DECR2: variants seen among roughly 807,000 people sequenced by gnomAD.
The protein encoded by DECR2 is peroxisomal 2,4-dienoyl-CoA reductase [(3E)-enoyl-CoA-producing].
Under a neutral mutation model 29.2 loss-of-function variants are expected in DECR2, and 34 were observed. That is an observed-to-expected ratio of 1.16 (90% CI 0.89 to 1.55). The LOEUF is 1.55. DECR2 is among the 40% of genes most tolerant of loss of function. DECR2 has a pLI of 0.00. For synonymous variants in DECR2, 224 were observed against 182.7 expected, an observed-to-expected ratio of 1.23 and a Z score of -1.82; for missense variants, 485 against 425.3, an observed-to-expected ratio of 1.14 and a Z score of -1.23.
At chr16:408,181 GCCTCTGTCTCCGGC>G (rs2054762659) in intron 4 of DECR2, among the ~76,000 whole-genome samples, 1 of 117,360 alleles carries the variant, frequency 8.5e-6, no homozygotes, top group African/African-American at 3.4e-5. Context: ...CTGTCTCCGG[GCCTCTGTCTCCGGC>G]CCCCTGTCTC....
At position 411,545 on chromosome 16, in the gene DECR2, G is replaced by A. The variant is rs771867426; in HGVS notation, c.846G>A (p.Leu282=). 1 of 1,613,774 alleles carries A rather than the reference G, an allele frequency of 6.2e-7. No homozygotes were observed. The highest frequency in any genetic ancestry group is 1.3e-5 in the African/African-American group (1 of 75,076). The part of the protein sequence containing the change: ...WLTFPNGVKG[L]PDFASFSAKL Reference sequence around the variant, plus strand: ...CGTTCCCAAACGGTGTCAAAGGGCTGCCGGATTTCGCATCCTTCTCTGCTA... The same window carrying A: ...CGTTCCCAAACGGTGTCAAAGGGCTACCGGATTTCGCATCCTTCTCTGCTA... The change falls in exon 8 of 9, where the codon CTG becomes CTA. Residue 282 remains leucine (L), a synonymous_variant. Transcript: ENST00000219481.
rs2054828147 is a variant in DECR2, at chr16:412,472, A to G, written c.*583A>G. ...AGGAAAAGAAAGAGGATTAAAGAGA[A>G]TTGCTGGTGATCCTATCGTTTAGGG... On this transcript the variant is annotated 3_prime_UTR_variant, in exon 9 of 9. Coordinates refer to ENST00000219481, the MANE Select transcript of DECR2 (RefSeq NM_020664.4). 1.3e-5 allele frequency: 2 copies of G among 152,122 alleles called. No individual in the cohort carries two copies. The highest frequency in any genetic ancestry group is 4.1e-4 in the South Asian group (2 of 4,822). The allele number at this position is 152,122 out of a possible 1,614,324, so 9.4% of individuals were successfully genotyped here.
chr16:409,440 G>T (rs2054783453), intron 4 of DECR2, among the ~76,000 whole-genome samples: 1 of 151,770 alleles, frequency 6.6e-6, no homozygotes, highest in Non-Finnish European at 1.5e-5. Flanking sequence ...AAAGTGCTGG[G>T]ATTACAGGCG....
chr16:410,937 A>T lies in DECR2; in HGVS notation c.557-35A>T, dbSNP rs770027504. The T allele has an allele frequency of 6.4e-7, 1 of 1,563,596 alleles. No homozygotes were observed. Among genetic ancestry groups the T allele is most frequent in the Non-Finnish European group, 8.7e-7 (1 of 1,153,776 alleles). On this transcript the variant is annotated intron_variant, in intron 6 of 8. Coordinates refer to ENST00000219481, the MANE Select transcript of DECR2 (RefSeq NM_020664.4). This position sits in a 1 kb window ranked among gnomAD's most constrained non-coding sequence, Gnocchi z 4.1. ...GGCCCTGCGCCCTCGCAGAGGGCAGAGCGGCCCTTTCATATCCAACTTTCT... is the reference window on the plus strand; with the variant it reads ...GGCCCTGCGCCCTCGCAGAGGGCAGTGCGGCCCTTTCATATCCAACTTTCT...
In DECR2 at chr16:401,893, A is replaced by C; in HGVS notation, c.-71A>C. 1.5e-6 allele frequency: 2 copies of C among 1,349,538 alleles called. No homozygotes were observed. Among genetic ancestry groups the C allele is most frequent in the South Asian group, 3.1e-5 (2 of 65,246 alleles). The allele number at this position is 1,349,538 out of a possible 1,614,324, so 83.6% of individuals were successfully genotyped here. On this transcript the variant is annotated 5_prime_UTR_variant, in exon 1 of 9. Transcript: ENST00000219481. ...GGCTCCCGGTTCCAGGCGAGTTCGC[A>C]GCTGCGCGCCGGGTCCTGGAGGCCG...
chr16:406,441 G>GGGGGCTGGGGCT (rs1461989720), intron 3 of DECR2, 44 bp downstream of exon 3: 3 of 1,597,174 alleles, frequency 1.9e-6, no homozygotes, highest in Non-Finnish European at 2.6e-6. Flanking sequence ...GTGGCTGTGG[G>GGGGGCTGGGGCT]GGGGCTGGGG....
chr16:409,883 T>TCG, intron 4 of DECR2: 1 of 243,084 alleles, frequency 4.1e-6, no homozygotes, highest in African/African-American at 2.2e-5. Context: ...GGCGTGTGTC[T>TCG]GTGTGTCCTC....
At chr16:406,291 G>GC (rs11391098) in intron 2 of DECR2, 55 bp from the exon 3 acceptor site, 1,557,699 of 1,565,674 alleles carry the variant, frequency 0.99, 774,918 homozygotes, top group Non-Finnish European at 1. Context: ...CTGGGCAGAT[G>GC]CCCCGGGAGT....
At position 410,793 on chromosome 16, in the gene DECR2, A is replaced by ACCCCCCC. The variant is rs35431910; in HGVS notation, c.556+12_556+18dup. On this transcript the variant is annotated intron_variant, in intron 6 of 8. Coordinates refer to ENST00000219481, the MANE Select transcript of DECR2 (RefSeq NM_020664.4). The surrounding 1 kb of genome is among the most constrained non-coding windows in gnomAD (Gnocchi z 4.1). The stretch of plus-strand genomic sequence containing the variant: ...CGCCAAGGCCGCTGTGGGTATGACC[A>ACCCCCCC]CCCCCCCCCGCCCAGGTTTGCCCAC... 2 of 1,464,786 alleles carry ACCCCCCC rather than the reference A, an allele frequency of 1.4e-6. No individual in the cohort carries two copies. Among genetic ancestry groups the ACCCCCCC allele is most frequent in the Non-Finnish European group, 9.2e-7 (1 of 1,084,356 alleles). The allele number at this position is 1,464,786 out of a possible 1,614,324, so 90.7% of individuals were successfully genotyped here. A position where few individuals can be genotyped will look rare whatever the true frequency, so the allele number is the denominator to read the frequency against.
intron 8 of DECR2, 91 bp downstream of exon 8, chr16:411,669 C>T (rs1457170923): frequency 8.6e-6 from 12 of 1,403,418 alleles, no homozygotes; most frequent in South Asian, 1.3e-5. Context: ...ACGGGGCTGG[C>T]GTCTCCTTTG....
In DECR2 at chr16:406,389, G is replaced by A. The variant is rs769100078; in HGVS notation, c.193G>A (p.Val65Met). The A allele has an allele frequency of 3.1e-6, 5 of 1,607,760 alleles. No individual in the cohort carries two copies. The highest frequency in any genetic ancestry group is 1.7e-5 in the Admixed American group (1 of 59,992). ...TVIASRSLPR[V>M]LTAARKLAGA... ...GATTGCCAGTAGGAGCCTGCCGCGA[G>A]TGCTGACGGTGAGAGGGCCTCTCCC... The change falls in exon 3 of 9, where the codon GTG (valine) becomes ATG (methionine). Residue 65 changes from valine to methionine, a missense_variant. By Grantham distance (21) the Val-to-Met change is conservative. Transcript: ENST00000219481.
chr16:406,208 G>T, intron 2 of DECR2, 138 bp from the exon 3 acceptor site: 1 of 826,828 alleles, frequency 1.2e-6, no homozygotes, highest in Non-Finnish European at 1.9e-6. Flanking sequence ...TCCTGTTCAC[G>T]CCCCTGTGCC....
In DECR2 at chr16:407,524, C is replaced by T. The variant is rs575230213; in HGVS notation, c.301C>T (p.Leu101=). The T allele has an allele frequency of 7.4e-6, 12 of 1,614,060 alleles. No individual in the cohort carries two copies. The East Asian group carries it at 2.5e-4, about 33-fold the overall frequency. Residue 101 remains leucine, a synonymous_variant, in exon 4 of 9, where the codon CTG becomes TTG. Transcript: ENST00000219481. ...PAVMAAVDQA[L]KEFGRIDILI... Reference sequence around the variant, plus strand: ...TGTCATGGCCGCCGTGGACCAGGCTCTGAAGGAGTTTGGCAGAATCGACAT... The same window carrying T: ...TGTCATGGCCGCCGTGGACCAGGCTTTGAAGGAGTTTGGCAGAATCGACAT...
At chr16:405,621 A>G in intron 2 of DECR2, 1 of 1,301,940 alleles carries the variant, frequency 7.7e-7, no homozygotes, top group Middle Eastern at 2.1e-4. Flanking sequence ...AGAAGAGCCG[A>G]GAAACCAAAG....
In DECR2 at chr16:411,493, T is replaced by G. The variant is rs747251681; in HGVS notation, c.794T>G (p.Leu265Arg). The change falls in exon 8 of 9, where the codon CTG becomes CGG. Residue 265 changes from leucine to arginine, a missense_variant. Leu to Arg is a moderately radical substitution (Grantham distance 102). Coordinates refer to ENST00000219481, the MANE Select transcript of DECR2 (RefSeq NM_020664.4). ...GCTTCCTACGTGACGGGGGCCGTGC[T>G]GGTGGCCGATGGCGGGGCATGGTTG... is the stretch of plus-strand genomic sequence containing the variant. ...PLASYVTGAVLVADGGAWLTF... is the reference protein window; with the variant it reads ...PLASYVTGAVRVADGGAWLTF... 1 of 1,613,998 alleles carries G rather than the reference T, an allele frequency of 6.2e-7. No individual in the cohort carries two copies.
rs1356238512 is a variant in DECR2 at position 410,898 on chromosome 16, C to T, written c.557-74C>T. Reference sequence around the variant, plus strand: ...TGAAGCTGAGCCCAGCTGCAGGCAGCGAGACCTGGCCTTGGCCCTGCGCCC... The same window carrying T: ...TGAAGCTGAGCCCAGCTGCAGGCAGTGAGACCTGGCCTTGGCCCTGCGCCC... On this transcript the variant is annotated intron_variant, in intron 6 of 8. Transcript: ENST00000219481. This position sits in a 1 kb window ranked among gnomAD's most constrained non-coding sequence, Gnocchi z 4.1. The T allele has an allele frequency of 1.4e-5, 22 of 1,531,080 alleles. No individual in the cohort carries two copies. Among genetic ancestry groups the T allele is most frequent in the South Asian group, 1.2e-4 (10 of 82,628 alleles). 94.8% of individuals were successfully genotyped at this position (1,531,080 alleles called of 1,614,324 possible).
intron 4 of DECR2, among the ~76,000 whole-genome samples, chr16:407,827 A>C (rs1336760209): frequency 3.0e-5 from 3 of 101,562 alleles, no homozygotes; most frequent in Admixed American, 1.2e-4. Context: ...CTTCGGCCGC[A>C]TCTCCGGCCC....
Position 405,980 on chromosome 16 carries a change from C to T in DECR2, c.150-366C>T, listed in dbSNP as rs554262593. Among the ~76,000 whole-genome samples the T allele has an allele frequency of 8.5e-5, 13 of 152,282 alleles. No homozygotes were observed. In the East Asian group the frequency reaches 2.1e-3, roughly 25 times the overall value. The stretch of plus-strand genomic sequence containing the variant: ...TCAGGAAGGGGAGCAGGGAGCACCC[C>T]GCTTCAGAACAGTCCTCCACGCCAG... On this transcript the variant is annotated intron_variant, in intron 2 of 8. Coordinates refer to ENST00000219481, the MANE Select transcript of DECR2 (RefSeq NM_020664.4).
chr16:405,329 G>T (rs148825429), intron 2 of DECR2: 21 of 548,824 alleles, frequency 3.8e-5, no homozygotes, highest in Non-Finnish European at 6.6e-5. Flanking sequence ...ATTTTCTCCT[G>T]GGACACAATT....
Sources: allele counts gnomAD v4.1 joint callset (sites outside exome capture counted in the v4.1 genomes callset), GRCh38; gene constraint gnomAD v4.1.1; non-coding constraint Gnocchi (gnomAD v3.1); transcripts MANE v1.5; gene names NCBI Gene and HGNC (gene_info 2026-07-23, HGNC 2026-07-21).